The following ANK2 variants were observed in gnomAD, a reference collection of about 807,000 sequenced individuals.
The protein encoded by ANK2 is ankyrin-2.
In ANK2, 83 loss-of-function variants were observed where a neutral mutation model predicts 360.5. The observed-to-expected ratio is 0.23, with a 90% confidence interval of 0.19 to 0.28. The LOEUF (loss-of-function observed/expected upper bound fraction) is 0.28, where lower values mean the gene tolerates loss of function less well. ANK2 is among the 10% of genes least tolerant of loss of function. ANK2 has a pLI of 1.00. For missense variants in ANK2, 4,201 were observed against 4,795.7 expected, an observed-to-expected ratio of 0.88 and a Z score of 3.66; for synonymous variants, 1,740 against 1,759.5, an observed-to-expected ratio of 0.99 and a Z score of 0.28.
chr4:112,730,092 A>G, the ANK2 span, among the ~76,000 whole-genome samples: 1 of 151,888 alleles, frequency 6.6e-6, no homozygotes, highest in African/African-American at 2.4e-5. Context: ...TGTCTCTACT[A>G]AATATGCAAA....
chr4:113,252,134 G>A (rs745697965), intron 10 of ANK2, among the ~76,000 whole-genome samples: 3 of 152,186 alleles, frequency 2.0e-5, no homozygotes, highest in Non-Finnish European at 4.4e-5. Flanking sequence ...TGAAAGGCAC[G>A]TCTCACATGG....
intron 20 of ANK2, among the ~76,000 whole-genome samples, chr4:113,289,066 C>T (rs1273369392): frequency 1.3e-5 from 2 of 152,102 alleles, no homozygotes; most frequent in South Asian, 2.1e-4. Context: ...CACTTTACTT[C>T]GTGCACTCAA....
intron 7 of ANK2, among the ~76,000 whole-genome samples, chr4:113,239,612 T>G (rs1035292863): frequency 3.9e-5 from 6 of 152,112 alleles, no homozygotes; most frequent in African/African-American, 1.4e-4. Flanking sequence ...ATGCTTCTAT[T>G]GCAAAGATGG....
At chr4:113,131,458 C>G (rs943063278) in intron 1 of ANK2, among the ~76,000 whole-genome samples, 5 of 152,204 alleles carry the variant, frequency 3.3e-5, no homozygotes, top group Admixed American at 6.5e-5. Flanking sequence ...AATTTAGGGT[C>G]TACTCCTTGT....
intron 4 of ANK2, among the ~76,000 whole-genome samples, chr4:113,201,816 G>A (rs146096974): frequency 1.2e-3 from 179 of 152,254 alleles, no homozygotes; most frequent in African/African-American, 4.0e-3. Context: ...TCATTAACTC[G>A]CTTTCAGAGT....
At chr4:112,929,677 A>AAATG (rs756607670) in intron 2 of ANK2, among the ~76,000 whole-genome samples, 3 of 152,202 alleles carry the variant, frequency 2.0e-5, no homozygotes, top group Non-Finnish European at 2.9e-5. Context: ...ATTCAGAGAT[A>AAATG]AATGAGGTCT....
At chr4:112,999,794 CA>C (rs1259305576) in intron 2 of ANK2, among the ~76,000 whole-genome samples, 2 of 152,050 alleles carry the variant, frequency 1.3e-5, no homozygotes, top group Non-Finnish European at 1.5e-5. Flanking sequence ...CTTTTCTTGG[CA>C]AGCATCATTA....
chr4:113,044,796 TG>T (rs2063859597), upstream of ANK2, among the ~76,000 whole-genome samples: 1 of 152,150 alleles, frequency 6.6e-6, no homozygotes, highest in African/African-American at 2.4e-5. Context: ...ACCTGGTCAT[TG>T]GGTTAGCCCA....
intron 2 of ANK2, among the ~76,000 whole-genome samples, chr4:112,904,768 A>G (rs2084643209): frequency 6.6e-6 from 1 of 152,120 alleles, no homozygotes; most frequent in South Asian, 2.1e-4. Context: ...CAAGATATTC[A>G]TTGCTGGAAA....
intron 5 of ANK2, among the ~76,000 whole-genome samples, chr4:113,234,203 T>C (rs988602558): frequency 6.6e-6 from 1 of 152,172 alleles, no homozygotes; most frequent in African/African-American, 2.4e-5. Flanking sequence ...AAGGCCACTG[T>C]AGCATTTCCC....
chr4:113,099,922 C>T (rs1008545502), intron 1 of ANK2, among the ~76,000 whole-genome samples: 11 of 151,698 alleles, frequency 7.3e-5, no homozygotes, highest in South Asian at 2.1e-4. Flanking sequence ...TACCCACATG[C>T]GACAAAAAGT....
At chr4:113,055,650 C>T (rs990217256) in intron 1 of ANK2, among the ~76,000 whole-genome samples, 1 of 152,188 alleles carries the variant, frequency 6.6e-6, no homozygotes. Context: ...ACTGCTTTCA[C>T]ATGCTATCTT....
chr4:113,355,186 G>T lies in ANK2; in HGVS notation c.6568G>T (p.Ala2190Ser), dbSNP rs574500888. The T allele has an allele frequency of 6.2e-7, 1 of 1,614,100 alleles. No individual in the cohort carries two copies. The highest frequency in any genetic ancestry group is 1.1e-5 in the South Asian group (1 of 91,082). ...LDYMKDEFLP[A>S]LSLQSGALDG... is the part of the protein sequence containing the mutation. Reference sequence around the variant, plus strand: ...CTACATGAAAGATGAGTTCCTTCCAGCTCTGTCTTTACAAAGCGGTGCTTT... The same window carrying T: ...CTACATGAAAGATGAGTTCCTTCCATCTCTGTCTTTACAAAGCGGTGCTTT... The change falls in exon 38 of 46, where the codon GCT (alanine) becomes TCT (serine). Residue 2190 changes from alanine (A) to serine (S), a missense_variant. Physicochemically the swap from Ala to Ser is moderately conservative, Grantham distance 99 (BLOSUM62 1). Transcript: ENST00000357077.
At chr4:113,151,228 A>C (rs1404306745) in intron 1 of ANK2, 3 of 881,978 alleles carry the variant, frequency 3.4e-6, no homozygotes, top group Non-Finnish European at 4.7e-6. Flanking sequence ...CCTTACTGCA[A>C]TTGCACACAT....
At chr4:113,004,518 A>G (rs1389913280) in intron 2 of ANK2, among the ~76,000 whole-genome samples, 6 of 152,184 alleles carry the variant, frequency 3.9e-5, no homozygotes. Flanking sequence ...CAGGGGCAGT[A>G]ACACACATGG....
chr4:112,818,608 G>A (rs1009738502), intron 1 of ANK2, among the ~76,000 whole-genome samples: 1 of 152,176 alleles, frequency 6.6e-6, no homozygotes, highest in African/African-American at 2.4e-5. Flanking sequence ...AGCAGGGAGA[G>A]GGGCAAGAGG....
At position 113,207,549 on chromosome 4, in the gene ANK2, G is replaced by T. The variant is rs375461454; in HGVS notation, c.384+8440G>T. 2.7e-4 allele frequency among the ~76,000 whole-genome samples: 41 copies of T among 152,222 alleles called. No homozygotes were observed. In the South Asian group the frequency reaches 8.1e-3, roughly 30 times the overall value. ...AAGATAAGCTACTCTGGTAGTAAATGGTTAAAATAGTACTGTAGCATTCTG... is the reference window on the plus strand; with the variant it reads ...AAGATAAGCTACTCTGGTAGTAAATTGTTAAAATAGTACTGTAGCATTCTG... On this transcript the variant is annotated intron_variant, in intron 4 of 45. Coordinates refer to ENST00000357077, the MANE Select transcript of ANK2 (RefSeq NM_001148.6).
At position 113,336,596 on chromosome 4, in the gene ANK2, A is replaced by T; in HGVS notation, c.3611A>T (p.Glu1204Val). Residue 1204 changes from glutamate (E) to valine (V), a missense_variant, in exon 31 of 46, where the codon GAG becomes GTG. Glu to Val is a moderately radical substitution (Grantham distance 121, BLOSUM62 -2). This residue lies in a region of ANK2 where 1,268 missense variants were observed against 1,650.8 expected (regional missense o/e 0.77). Transcript: ENST00000357077. ...GAAAAGGCTCAACCTATGCACAGTG[A>T]GCTGGTTAAGAAGATCCTAGGCAAC... ...VGLQAQPMHSELVKKILGNKA... is the reference protein window; with the variant it reads ...VGLQAQPMHSVLVKKILGNKA... 6.2e-7 allele frequency: 1 copy of T among 1,614,146 alleles called. No individual in the cohort carries two copies. The highest frequency in any genetic ancestry group is 8.5e-7 in the Non-Finnish European group (1 of 1,180,014).
chr4:112,705,642 C>G, the ANK2 span, among the ~76,000 whole-genome samples: 1 of 152,232 alleles, frequency 6.6e-6, no homozygotes, highest in Non-Finnish European at 1.5e-5. Context: ...CGGGAGCGCC[C>G]GCGGAGGAGC....
Sources: allele counts gnomAD v4.1 joint callset (sites outside exome capture counted in the v4.1 genomes callset), GRCh38; gene constraint gnomAD v4.1.1; regional missense constraint gnomAD v4.1.1; transcripts MANE v1.5; gene names NCBI Gene and HGNC (gene_info 2026-07-23, HGNC 2026-07-21).